Variants in RAB28 observed in about 807,000 individuals in gnomAD.
The protein encoded by RAB28 is RAB28, member RAS oncogene family, also known as ras-related protein Rab-28.
RAB28 carries 24 observed loss-of-function variants against 31.7 expected under a neutral mutation model. The observed-to-expected ratio is 0.76, with a 90% CI of 0.55 to 1.06. RAB28 has a LOEUF of 1.06. Ranked by LOEUF, RAB28 falls within the 50% of genes least tolerant of loss-of-function variation. The pLI, the probability that RAB28 is intolerant of heterozygous loss-of-function variation, is 0.00. For synonymous variants in RAB28, 100 were observed against 90.4 expected (o/e 1.11, Z -0.60); for missense variants, 254 against 258.5 (o/e 0.98, Z 0.12).
At position 13,401,271 on chromosome 4, in the gene RAB28, T is replaced by G. The variant is rs148506750; in HGVS notation, c.392-19677A>C. Reference sequence around the variant, plus strand: ...TTTCATAAATGCAGAAGTATTCAGATTATCTATTTCTAGAGTGAACTTAGT... The same window carrying G: ...TTTCATAAATGCAGAAGTATTCAGAGTATCTATTTCTAGAGTGAACTTAGT... On this transcript the variant is annotated intron_variant, in intron 4 of 6. Coordinates refer to ENST00000330852, the MANE Select transcript of RAB28 (RefSeq NM_001017979.3). 8.5e-3 allele frequency among the ~76,000 whole-genome samples: 1,295 copies of G among 152,318 alleles called. 47 individuals are homozygous for G. The East Asian group carries it at 0.12, about 14-fold the overall frequency.
chr4:13,418,719 A>C (rs1187183290), intron 4 of RAB28, among the ~76,000 whole-genome samples: 3 of 152,250 alleles, frequency 2.0e-5, no homozygotes, highest in Non-Finnish European at 4.4e-5. Context: ...TTTTGTCATC[A>C]CCAGGCCTCC....
At chr4:13,415,102 G>T (rs1326883171) in intron 4 of RAB28, among the ~76,000 whole-genome samples, 2 of 152,198 alleles carry the variant, frequency 1.3e-5, no homozygotes, top group South Asian at 2.1e-4. Flanking sequence ...TAAGGAAGAA[G>T]AATCATCATT....
chr4:13,470,976 T>C (rs1162315852), intron 3 of RAB28, among the ~76,000 whole-genome samples: 1 of 152,082 alleles, frequency 6.6e-6, no homozygotes, highest in Admixed American at 6.6e-5. Context: ...CCAGCCTACA[T>C]ATAAGCTTCT....
intron 4 of RAB28, among the ~76,000 whole-genome samples, chr4:13,420,932 G>C (rs1003141710): frequency 3.9e-5 from 6 of 152,162 alleles, no homozygotes; most frequent in Admixed American, 3.9e-4. Flanking sequence ...AAGAAATATA[G>C]GGTATTCAAT....
rs1014051257 is a variant in RAB28, at chr4:13,453,064, G to C, written c.391+7635C>G. Among the ~76,000 whole-genome samples the C allele has an allele frequency of 8.0e-4, 122 of 152,132 alleles. 2 individuals carry two copies. Among genetic ancestry groups the C allele is most frequent in the African/African-American group, 2.8e-3 (117 of 41,530 alleles). On this transcript the variant is annotated intron_variant, in intron 4 of 6. Transcript: ENST00000330852. ...TTGTACAGATTTTGACTTGAAGTCT[G>C]TTTTGTCTGATTTATGTATAGCTAC... is the stretch of plus-strand genomic sequence containing the variant.
intron 5 of RAB28, among the ~76,000 whole-genome samples, chr4:13,377,851 T>G (rs994372241): frequency 3.9e-5 from 6 of 152,130 alleles, no homozygotes; most frequent in African/African-American, 1.4e-4. Flanking sequence ...CCAAGGGGAT[T>G]TGGTGACAGA....
chr4:13,475,491 G>A (rs950336319), intron 2 of RAB28, among the ~76,000 whole-genome samples: 2 of 151,464 alleles, frequency 1.3e-5, no homozygotes, highest in African/African-American at 4.8e-5. Context: ...TAAAATCAGA[G>A]AAAGTTAGTC....
intron 6 of RAB28, among the ~76,000 whole-genome samples, chr4:13,374,961 T>C (rs1009204065): frequency 9.2e-5 from 14 of 152,208 alleles, no homozygotes; most frequent in African/African-American, 3.1e-4. Flanking sequence ...TCATTTATTT[T>C]AACCAAACTG....
chr4:13,430,134 CA>C (rs996235701), intron 4 of RAB28, among the ~76,000 whole-genome samples: 1 of 151,540 alleles, frequency 6.6e-6, no homozygotes, highest in Admixed American at 6.6e-5. Context: ...TATCTGTATG[CA>C]AAAAAACAGA....
chr4:13,419,153 AG>A (rs1425012013), intron 4 of RAB28, among the ~76,000 whole-genome samples: 3 of 152,212 alleles, frequency 2.0e-5, no homozygotes, highest in African/African-American at 4.8e-5. Flanking sequence ...AAGACAAAGA[AG>A]GCCATTACAT....
At chr4:13,401,772 A>AT (rs1410657251) in intron 4 of RAB28, among the ~76,000 whole-genome samples, 1 of 151,606 alleles carries the variant, frequency 6.6e-6, no homozygotes, top group African/African-American at 2.4e-5. Context: ...TGATTTCTCT[A>AT]TTTTTTTAAT....
chr4:13,460,114 CT>C (rs939861046), intron 4 of RAB28, among the ~76,000 whole-genome samples: 1 of 152,200 alleles, frequency 6.6e-6, no homozygotes, highest in African/African-American at 2.4e-5. Flanking sequence ...TCAAATATTT[CT>C]TTGTAGGAAT....
chr4:13,470,081 G>A (rs1394543556), intron 3 of RAB28, among the ~76,000 whole-genome samples: 1 of 152,022 alleles, frequency 6.6e-6, no homozygotes, highest in African/African-American at 2.4e-5. Flanking sequence ...AGTGTAACAC[G>A]TACTAAATAA....
At chr4:13,464,312 A>G (rs1295730746) in intron 3 of RAB28, among the ~76,000 whole-genome samples, 1 of 152,126 alleles carries the variant, frequency 6.6e-6, no homozygotes, top group Middle Eastern at 3.2e-3. Flanking sequence ...AAATATGCCC[A>G]GAGCATTATC....
At chr4:13,421,128 C>T (rs1713113070) in intron 4 of RAB28, among the ~76,000 whole-genome samples, 1 of 152,086 alleles carries the variant, frequency 6.6e-6, no homozygotes, top group Non-Finnish European at 1.5e-5. Flanking sequence ...AACAGAGAGC[C>T]AAATCATGAG....
intron 4 of RAB28, among the ~76,000 whole-genome samples, chr4:13,458,746 C>G (rs1408316986): frequency 1.3e-5 from 2 of 152,082 alleles, no homozygotes; most frequent in Admixed American, 6.5e-5. Flanking sequence ...AAATACTCAC[C>G]ATTGTGTTAT....
At chr4:13,394,598 C>T (rs572923219) in intron 4 of RAB28, among the ~76,000 whole-genome samples, 17 of 151,726 alleles carry the variant, frequency 1.1e-4, no homozygotes, top group South Asian at 6.3e-4. Flanking sequence ...GGTAGTTGGA[C>T]GAAAAAACTG....
At chr4:13,477,099 T>C (rs927893496) in intron 2 of RAB28, among the ~76,000 whole-genome samples, 30 of 151,606 alleles carry the variant, frequency 2.0e-4, no homozygotes, top group African/African-American at 6.8e-4. Flanking sequence ...TTTACTGGAC[T>C]GTACCCACAA....
intron 6 of RAB28, among the ~76,000 whole-genome samples, chr4:13,375,247 C>G (rs1728872954): frequency 6.6e-6 from 1 of 152,146 alleles, no homozygotes; most frequent in South Asian, 2.1e-4. Context: ...TCACCTGATC[C>G]AGGGAGTTAT....
Sources: allele counts gnomAD v4.1 joint callset (sites outside exome capture counted in the v4.1 genomes callset), GRCh38; gene constraint gnomAD v4.1.1; transcripts MANE v1.5; gene names NCBI Gene and HGNC (gene_info 2026-07-23, HGNC 2026-07-21).